Variants in PPP3R1 observed in about 807,000 individuals in gnomAD.
The protein encoded by PPP3R1 is protein phosphatase 3 regulatory subunit B, alpha.
A neutral mutation model predicts 22.6 loss-of-function variants in PPP3R1; 5 were observed. The observed-to-expected ratio is 0.22, with a 90% confidence interval of 0.12 to 0.46. The LOEUF is 0.46. Among genes scored for constraint, PPP3R1 ranks in the 20% least tolerant of loss-of-function variants. PPP3R1 has a pLI of 0.99. For missense variants in PPP3R1, 61 were observed against 203.2 expected (o/e 0.30, Z 4.25); for synonymous variants, 56 against 65.2 (o/e 0.86, Z 0.68).
At chr2:68,190,654 T>G (rs1674646984) in intron 2 of PPP3R1, among the ~76,000 whole-genome samples, 1 of 152,140 alleles carries the variant, frequency 6.6e-6, no homozygotes. Context: ...AAAACAAGTT[T>G]AGGGGCTTTA....
At chr2:68,244,650 G>A (rs147714282) in intron 1 of PPP3R1, among the ~76,000 whole-genome samples, 306 of 151,318 alleles carry the variant, frequency 2.0e-3, no homozygotes, top group South Asian at 5.6e-3. Flanking sequence ...CCCTCTCCTG[G>A]CTTTTCTAAT....
chr2:68,251,999 G>A (rs1490045188), intron 1 of PPP3R1, 126 bp downstream of exon 1: 11 of 973,044 alleles, frequency 1.1e-5, no homozygotes, highest in East Asian at 9.8e-5. Context: ...GGGACCCGCC[G>A]GGCCCGGGTC....
At chr2:68,194,692 G>A (rs1406365034) in intron 2 of PPP3R1, among the ~76,000 whole-genome samples, 1 of 152,098 alleles carries the variant, frequency 6.6e-6, no homozygotes, top group Non-Finnish European at 1.5e-5. Context: ...TAAAAGTAAA[G>A]ACAACTTAAA....
intron 1 of PPP3R1, chr2:68,251,029 CT>C (rs1670338129): frequency 6.6e-6 from 1 of 152,196 alleles, no homozygotes; most frequent in Non-Finnish European, 1.5e-5. Flanking sequence ...TGTTCAAAGA[CT>C]TTTAGAGAAA....
At chr2:68,191,265 A>G (rs2103727140) in intron 2 of PPP3R1, among the ~76,000 whole-genome samples, 1 of 152,346 alleles carries the variant, frequency 6.6e-6, no homozygotes, top group Non-Finnish European at 1.5e-5. Context: ...CACCCAGGCT[A>G]TATGGTCCAG....
rs1238618328 is a variant in PPP3R1, at chr2:68,189,251, G to C, written c.44-561C>G. Among the ~76,000 whole-genome samples the C allele has an allele frequency of 2.0e-5, 3 of 147,004 alleles. No homozygotes were observed. In the East Asian group the frequency reaches 6.5e-4, roughly 32 times the overall value. On this transcript the variant is annotated intron_variant, in intron 2 of 5. Coordinates refer to ENST00000234310, the MANE Select transcript of PPP3R1 (RefSeq NM_000945.4). ...ATTTCCTTTCTCTGAAAGCAACGTT[G>C]CCAGTTTCCTAAATATTCTTCCAGA...
At chr2:68,199,198 G>A (rs1313511968) in intron 2 of PPP3R1, among the ~76,000 whole-genome samples, 1 of 152,048 alleles carries the variant, frequency 6.6e-6, no homozygotes, top group Non-Finnish European at 1.5e-5. Flanking sequence ...TCCTGACCTC[G>A]TGATCTGCCC....
At chr2:68,181,655 CAT>C (rs1674406128) in intron 5 of PPP3R1, among the ~76,000 whole-genome samples, 1 of 146,068 alleles carries the variant, frequency 6.8e-6, no homozygotes, top group Admixed American at 6.9e-5. Context: ...CAAAGACAGA[CAT>C]AAACAGGCTA....
At chr2:68,210,376 T>C (rs1368642084) in intron 2 of PPP3R1, among the ~76,000 whole-genome samples, 4 of 152,176 alleles carry the variant, frequency 2.6e-5, no homozygotes, top group African/African-American at 9.7e-5. Context: ...CCATCCACAC[T>C]CCTTATACTC....
chr2:68,211,318 A>G (rs1280964540), intron 2 of PPP3R1, among the ~76,000 whole-genome samples: 2 of 146,032 alleles, frequency 1.4e-5, no homozygotes, highest in African/African-American at 5.1e-5. Flanking sequence ...GAGGCAGGAG[A>G]ATGGCGTGAA....
chr2:68,250,812 G>A (rs962348634), intron 1 of PPP3R1, among the ~76,000 whole-genome samples: 33 of 150,712 alleles, frequency 2.2e-4, no homozygotes, highest in African/African-American at 8.0e-4. Context: ...AATAAAAGCT[G>A]ACTTACCTGA....
At chr2:68,218,409 T>G (rs1669619119) in intron 1 of PPP3R1, among the ~76,000 whole-genome samples, 1 of 152,158 alleles carries the variant, frequency 6.6e-6, no homozygotes, top group Admixed American at 6.6e-5. Context: ...TAATTGCAAT[T>G]TTCCAGAACT....
intron 2 of PPP3R1, among the ~76,000 whole-genome samples, chr2:68,193,365 T>C (rs1674704842): frequency 6.6e-6 from 1 of 152,094 alleles, no homozygotes; most frequent in African/African-American, 2.4e-5. Context: ...CAACCACTCA[T>C]TTATTTCCTC....
intron 2 of PPP3R1, among the ~76,000 whole-genome samples, chr2:68,192,736 C>T (rs868620523): frequency 1.3e-5 from 2 of 152,108 alleles, no homozygotes; most frequent in Non-Finnish European, 2.9e-5. Context: ...TTCAGCCAAA[C>T]GGCTAGCTCC....
chr2:68,229,453 C>A (rs1156344414), intron 1 of PPP3R1, among the ~76,000 whole-genome samples: 1 of 152,144 alleles, frequency 6.6e-6, no homozygotes, highest in Non-Finnish European at 1.5e-5. Context: ...TGCTGATTTT[C>A]TTGCTTGGTT....
At chr2:68,232,265 G>GTGTGTA (rs1259443865) in intron 1 of PPP3R1, among the ~76,000 whole-genome samples, 2 of 25,398 alleles carry the variant, frequency 7.9e-5, no homozygotes. Context: ...GTGTGTGTGT[G>GTGTGTA]TATATATATA....
intron 2 of PPP3R1, among the ~76,000 whole-genome samples, chr2:68,207,171 T>C (rs1572961432): frequency 1.4e-5 from 2 of 147,056 alleles, no homozygotes; most frequent in Admixed American, 6.8e-5. Flanking sequence ...AGTTTTAATG[T>C]GGAGAAGGTC....
At chr2:68,210,275 C>A (rs1162313865) in intron 2 of PPP3R1, among the ~76,000 whole-genome samples, 2 of 152,192 alleles carry the variant, frequency 1.3e-5, no homozygotes, top group East Asian at 1.9e-4. Flanking sequence ...TTAACATAAG[C>A]TCCCTGGGTC....
intron 1 of PPP3R1, among the ~76,000 whole-genome samples, chr2:68,243,121 A>C (rs570521100): frequency 1.9e-3 from 283 of 152,306 alleles, no homozygotes; most frequent in African/African-American, 6.5e-3. Flanking sequence ...AATATTTAAA[A>C]AACAAAACAA....
Sources: allele counts gnomAD v4.1 joint callset (sites outside exome capture counted in the v4.1 genomes callset), GRCh38; gene constraint gnomAD v4.1.1; transcripts MANE v1.5; gene names NCBI Gene and HGNC (gene_info 2026-07-23, HGNC 2026-07-21).